CEP250: variants seen among roughly 807,000 people sequenced by gnomAD.
CEP250 encodes centrosomal protein 250.
CEP250 carries 242 observed loss-of-function variants against 315.7 expected under a neutral mutation model. The ratio of observed to expected loss-of-function variants is 0.77; its 90% CI spans 0.69 to 0.85. The LOEUF is 0.85. Among genes scored for constraint, CEP250 ranks in the 40% least tolerant of loss-of-function variants. The pLI is 0.00. For synonymous variants in CEP250, 1,088 were observed against 1,175.0 expected (o/e 0.93, Z 1.51); for missense variants, 2,515 against 2,886.4 (o/e 0.87, Z 2.95).
At chr20:35,496,768 GA>G in intron 25 of CEP250, 53 bp downstream of exon 25, 1 of 1,576,900 alleles carries the variant, frequency 6.3e-7, no homozygotes, top group Non-Finnish European at 8.6e-7. Context: ...GCCTGATTCT[GA>G]AGCGGTGGAT....
Position 35,458,431 on chromosome 20 carries a change from T to C in CEP250, c.-227+57T>C, listed in dbSNP as rs1601101220. 4 of 152,344 alleles carry C rather than the reference T, an allele frequency of 2.6e-5. No homozygotes were observed. In the East Asian group the frequency reaches 7.7e-4, roughly 29 times the overall value. The allele number at this position is 152,344 out of a possible 1,614,324, so 9.4% of individuals were successfully genotyped here. ...CAGACTCCTGATACTGAGTTGAAAT[T>C]CATGAGTGTTTATGGGATAAATTAA... On this transcript the variant is annotated intron_variant, in intron 2 of 34. Coordinates refer to ENST00000397527, the MANE Select transcript of CEP250 (RefSeq NM_007186.6).
At position 35,491,243 on chromosome 20, in the gene CEP250, C is replaced by G; in HGVS notation, c.2786C>G (p.Ser929Cys). 1 of 1,610,618 alleles carries G rather than the reference C, an allele frequency of 6.2e-7. No homozygotes were observed. The highest frequency in any genetic ancestry group is 8.5e-7 in the Non-Finnish European group (1 of 1,178,460). The change falls in exon 22 of 35, where the codon TCC becomes TGC. Residue 929 changes from serine (S) to cysteine (C), a missense_variant. Coordinates refer to ENST00000397527, the MANE Select transcript of CEP250 (RefSeq NM_007186.6). ...MQLETEKERV[S>C]LLETLLQTQK... ...CTGGAAACAGAGAAGGAGAGAGTAT[C>G]CCTCCTGGAGACACTGCTGCAGACG... is the stretch of plus-strand genomic sequence containing the variant.
intron 15 of CEP250, 143 bp downstream of exon 15, chr20:35,475,789 A>G (rs1370724619): frequency 1.2e-6 from 1 of 837,448 alleles, no homozygotes; most frequent in Admixed American, 2.7e-5. Context: ...CTATTCCAAC[A>G]TACCCTCTAT....
At chr20:35,460,308 C>T (rs567783884) in intron 3 of CEP250, among the ~76,000 whole-genome samples, 8 of 152,312 alleles carry the variant, frequency 5.3e-5, no homozygotes, top group South Asian at 2.1e-4. Context: ...CAAGTATCTT[C>T]GGTTGTTCAG....
In CEP250 at chr20:35,507,792, G is replaced by C. The variant is rs747969822; in HGVS notation, c.6691G>C (p.Gly2231Arg). ...ALEKERLHSP[G>R]ATSTAELGSR... is the part of the protein sequence containing the mutation. ...GGAGAAGGAGCGGCTACACAGCCCA[G>C]GTGCAACCAGCACAGCAGAACTGGG... Residue 2231 changes from glycine (G) to arginine (R), a missense_variant, in exon 31 of 35, where the codon GGT becomes CGT. Coordinates refer to ENST00000397527, the MANE Select transcript of CEP250 (RefSeq NM_007186.6). 8.3e-6 allele frequency: 13 copies of C among 1,568,880 alleles called. No homozygotes were observed. The East Asian group carries it at 9.5e-5, about 12-fold the overall frequency.
chr20:35,458,184 G>A (rs2062673632), intron 1 of CEP250, 120 bp from the exon 2 acceptor site: 1 of 152,136 alleles, frequency 6.6e-6, no homozygotes, highest in South Asian at 2.1e-4. Context: ...TCTATTCCAA[G>A]TTTAGGTGGT....
intron 22 of CEP250, among the ~76,000 whole-genome samples, chr20:35,491,597 A>G (rs1266554968): frequency 6.6e-6 from 1 of 152,096 alleles, no homozygotes; most frequent in Non-Finnish European, 1.5e-5. Context: ...GGTGAAACCC[A>G]TCTCTACTAA....
At chr20:35,484,530 C>T (rs2146952556) in intron 20 of CEP250, among the ~76,000 whole-genome samples, 1 of 152,228 alleles carries the variant, frequency 6.6e-6, no homozygotes, top group South Asian at 2.1e-4. Context: ...CCTCCAGTTT[C>T]TCTTTTTCTC....
At chr20:35,493,124 C>T (rs2063743331) in intron 22 of CEP250, among the ~76,000 whole-genome samples, 2 of 151,870 alleles carry the variant, frequency 1.3e-5, no homozygotes, top group African/African-American at 4.8e-5. Flanking sequence ...TCTCTACTCT[C>T]CTGAGTAGAG....
chr20:35,505,652 CAAAAAA>C (rs57141703), intron 30 of CEP250, among the ~76,000 whole-genome samples: 2 of 103,204 alleles, frequency 1.9e-5, no homozygotes, highest in Non-Finnish European at 3.5e-5. Context: ...GACTCCATCT[CAAAAAA>C]AAAAAAAAAA....
At chr20:35,467,096 G>A (rs1204550522) in intron 8 of CEP250, 24 bp downstream of exon 8, 1 of 1,560,920 alleles carries the variant, frequency 6.4e-7, no homozygotes, top group South Asian at 1.1e-5. Context: ...GAAGAAGGGA[G>A]GAGGTTTGCC....
At chr20:35,490,855 C>G in intron 21 of CEP250, 51 bp downstream of exon 21, 1 of 1,585,556 alleles carries the variant, frequency 6.3e-7, no homozygotes, top group Non-Finnish European at 8.6e-7. Context: ...GATCTCCTTA[C>G]CTTGACCACT....
chr20:35,500,126 A>G lies in CEP250; in HGVS notation c.3855A>G (p.Thr1285=), dbSNP rs139078811. 56 of 1,613,774 alleles carry G rather than the reference A, an allele frequency of 3.5e-5. No homozygotes were observed. The African/African-American group carries it at 6.4e-4, about 18-fold the overall frequency. The change falls in exon 28 of 35, where the codon ACA becomes ACG. Residue 1285 remains threonine (T), a synonymous_variant. Transcript: ENST00000397527. ...AGGCTGAGAAGAGCCAGGTCCACAC[A>G]GAGTTGCAGGATCTGCAGAGACAGC... ...DTEAEKSQVH[T]ELQDLQRQLS... is the part of the protein sequence containing the mutation.
At chr20:35,511,153 G>A (rs2064344041) in intron 34 of CEP250, among the ~76,000 whole-genome samples, 1 of 152,198 alleles carries the variant, frequency 6.6e-6, no homozygotes, top group African/African-American at 2.4e-5. Flanking sequence ...TGAGTCACAT[G>A]TGCAGCCAGG....
chr20:35,466,349 A>G (rs2062877491), intron 7 of CEP250, 145 bp downstream of exon 7: 2 of 998,316 alleles, frequency 2.0e-6, no homozygotes, highest in African/African-American at 1.6e-5. Flanking sequence ...TTACCTGCGC[A>G]TGCTGGCAGC....
At chr20:35,505,030 G>A (rs2064147033) in intron 30 of CEP250, 25 bp downstream of exon 30, 1 of 1,560,976 alleles carries the variant, frequency 6.4e-7, no homozygotes, top group East Asian at 2.3e-5. Flanking sequence ...GGGGAGTAAG[G>A]GCCAGGGGAC....
chr20:35,498,803 T>G, intron 27 of CEP250, 87 bp downstream of exon 27: 2 of 1,425,358 alleles, frequency 1.4e-6, no homozygotes, highest in Non-Finnish European at 1.9e-6. Flanking sequence ...TGACCTGTTT[T>G]ATTCCTGAGA....
At chr20:35,490,004 C>A (rs893393698) in intron 20 of CEP250, among the ~76,000 whole-genome samples, 4 of 152,054 alleles carry the variant, frequency 2.6e-5, no homozygotes, top group African/African-American at 9.7e-5. Context: ...CATAGTGAGA[C>A]CCCATCTCTA....
rs776925105 is a variant in CEP250, at chr20:35,502,615, G to A, written c.4246G>A (p.Gly1416Arg). 1.1e-5 allele frequency: 17 copies of A among 1,614,270 alleles called. No individual in the cohort carries two copies. In the East Asian group the frequency reaches 3.8e-4, roughly 36 times the overall value. ...GCAGGGCGAACTGAAGGTGGCCCAA[G>A]GGAAGGCTCTGCAAGAGAATTTGGC... ...QEQGELKVAQ[G>R]KALQENLALL... The change falls in exon 30 of 35, where the codon GGG becomes AGG. Residue 1416 changes from glycine (G) to arginine (R), a missense_variant. Coordinates refer to ENST00000397527, the MANE Select transcript of CEP250 (RefSeq NM_007186.6).
Sources: gnomAD v4.1 joint callset for allele counts (sites outside exome capture counted in the v4.1 genomes callset) on GRCh38, gnomAD v4.1.1 for gene constraint, MANE v1.5 for transcripts, NCBI Gene and HGNC (gene_info 2026-07-23, HGNC 2026-07-21) for gene names.